The following PCDHGA8 variants were observed in gnomAD, a reference collection of about 807,000 sequenced individuals.
PCDHGA8 encodes protocadherin gamma-A8.
Under a neutral mutation model 59.2 loss-of-function variants are expected in PCDHGA8, and 45 were observed. That is an observed-to-expected ratio of 0.76 (90% confidence interval 0.60 to 0.98). The LOEUF (loss-of-function observed/expected upper bound fraction) is 0.98, where lower values mean the gene tolerates loss of function less well. Ranked by LOEUF, PCDHGA8 falls within the 50% of genes least tolerant of loss-of-function variation. PCDHGA8 has a pLI of 0.00. For synonymous variants in PCDHGA8, 531 were observed against 519.0 expected, an observed-to-expected ratio of 1.02 and a Z score of -0.32; for missense variants, 1,257 against 1,196.2, an observed-to-expected ratio of 1.05 and a Z score of -0.75.
intron 1 of PCDHGA8, chr5:141,409,186 T>C: frequency 6.2e-7 from 1 of 1,614,042 alleles, no homozygotes; most frequent in Non-Finnish European, 8.5e-7. Flanking sequence ...GTGGTCTCTC[T>C]ACCCAGTGTA....
At chr5:141,399,382 A>G in intron 1 of PCDHGA8, 1 of 1,614,000 alleles carries the variant, frequency 6.2e-7, no homozygotes, top group Non-Finnish European at 8.5e-7. Context: ...TGTCACCATC[A>G]CAGCCACAGA....
In PCDHGA8 at chr5:141,432,916, G is replaced by C; in HGVS notation, c.2424+37679G>C. ...TGCTGGCGCTCAGGCTGCGGCGCTG[G>C]CACAAGTCACGCCTGCTGCAGGCTT... On this transcript the variant is annotated intron_variant, in intron 1 of 3. Coordinates refer to ENST00000398604, the MANE Select transcript of PCDHGA8 (RefSeq NM_032088.2). The surrounding 1 kb of genome is among the most constrained non-coding windows in gnomAD (Gnocchi z 6.0). 1 of 1,614,196 alleles carries C rather than the reference G, an allele frequency of 6.2e-7. No homozygotes were observed. The highest frequency in any genetic ancestry group is 8.5e-7 in the Non-Finnish European group (1 of 1,180,040).
Position 141,417,626 on chromosome 5 carries a change from T to C in PCDHGA8, c.2424+22389T>C, listed in dbSNP as rs1156653216. ...CCGTCGGCCAGTGCAGAGCAAGCGC[T>C]GACGCCGGGGATCCCTCAGCCTCTA... On this transcript the variant is annotated intron_variant, in intron 1 of 3. Coordinates refer to ENST00000398604, the MANE Select transcript of PCDHGA8 (RefSeq NM_032088.2). The C allele has an allele frequency of 4.4e-6, 3 of 689,458 alleles. No homozygotes were observed. In the African/African-American group the frequency reaches 5.4e-5, roughly 12 times the overall value. The allele number at this position is 689,458 out of a possible 1,614,324, so 42.7% of individuals were successfully genotyped here. A position where few individuals can be genotyped will look rare whatever the true frequency, so the allele number is the denominator to read the frequency against.
At chr5:141,409,145 T>G (rs2095231039) in intron 1 of PCDHGA8, 1 of 1,613,884 alleles carries the variant, frequency 6.2e-7, no homozygotes, top group Non-Finnish European at 8.5e-7. Flanking sequence ...TGTAGAAAGG[T>G]ACACCATGGA....
intron 1 of PCDHGA8, chr5:141,395,711 G>A (rs2093302364): frequency 1.3e-5 from 2 of 154,440 alleles, no homozygotes; most frequent in African/African-American, 4.8e-5. Context: ...CCTGTAACTA[G>A]GCTCTTGTAG....
At chr5:141,504,594 C>T (rs2099839378) in intron 2 of PCDHGA8, among the ~76,000 whole-genome samples, 2 of 140,288 alleles carry the variant, frequency 1.4e-5, no homozygotes, top group South Asian at 4.4e-4. Context: ...GGATTCACAG[C>T]AAGAGGGAAC....
Position 141,511,380 on chromosome 5 carries a change from C to G in PCDHGA8, c.*207C>G. The G allele has an allele frequency of 7.7e-6, 9 of 1,170,490 alleles. No individual in the cohort carries two copies. The highest frequency in any genetic ancestry group is 1.1e-5 in the Non-Finnish European group (9 of 854,564). 72.5% of individuals were successfully genotyped at this position (1,170,490 alleles called of 1,614,324 possible). A position where few individuals can be genotyped will look rare whatever the true frequency, so the allele number is the denominator to read the frequency against. On this transcript the variant is annotated 3_prime_UTR_variant, in exon 4 of 4. Transcript: ENST00000398604. ...GGGGTTGAATATGCAAAAGCAGTTC[C>G]GCTGGGAACCCCCATCCAATCAACT...
At chr5:141,409,723 G>T (rs781363259) in intron 1 of PCDHGA8, 1 of 1,613,154 alleles carries the variant, frequency 6.2e-7, no homozygotes, top group Non-Finnish European at 8.5e-7. Flanking sequence ...ACGTGTCAGT[G>T]AGCGCGCAGA....
At chr5:141,488,159 C>T (rs888153570) in intron 1 of PCDHGA8, among the ~76,000 whole-genome samples, 1 of 152,126 alleles carries the variant, frequency 6.6e-6, no homozygotes, top group Non-Finnish European at 1.5e-5. Flanking sequence ...GAGAGGCACG[C>T]ATCAGAGTGG....
chr5:141,510,958 G>A lies in PCDHGA8; in HGVS notation c.2584G>A (p.Gly862Arg). 6.2e-7 allele frequency: 1 copy of A among 1,614,130 alleles called. No homozygotes were observed. Among genetic ancestry groups the A allele is most frequent in the Non-Finnish European group, 8.5e-7 (1 of 1,180,012 alleles). The change falls in exon 4 of 4, where the codon GGG becomes AGG. Residue 862 changes from glycine to arginine, a missense_variant. Transcript: ENST00000398604. The stretch of plus-strand genomic sequence containing the variant: ...CTCTGTCTCTGCAGAAGCTGCTGAT[G>A]GGAGCTCCACCCTGGGAGGGGGTGC... ...ILASASEAAD[G>R]SSTLGGGAGT...
intron 3 of PCDHGA8, among the ~76,000 whole-genome samples, chr5:141,508,975 G>T (rs1360718244): frequency 2.6e-5 from 4 of 152,148 alleles, no homozygotes; most frequent in African/African-American, 7.2e-5. Context: ...AAGGGCTGGG[G>T]GTGGGGGCCA....
intron 1 of PCDHGA8, chr5:141,433,226 C>G (rs1433770157): frequency 6.6e-7 from 1 of 1,514,890 alleles, no homozygotes; most frequent in Non-Finnish European, 9.0e-7. Context: ...TTTTTAATTG[C>G]TCTGTCTCCC....
At chr5:141,423,557 G>C in intron 1 of PCDHGA8, 2 of 1,613,654 alleles carry the variant, frequency 1.2e-6, no homozygotes, top group Non-Finnish European at 1.7e-6. Context: ...CCCAACTATG[G>C]GGACACGCTC....
Position 141,476,231 on chromosome 5 carries a change from G to A in PCDHGA8, c.2425-18576G>A. The A allele has an allele frequency of 6.2e-7, 1 of 1,614,084 alleles. No individual in the cohort carries two copies. Among genetic ancestry groups the A allele is most frequent in the Non-Finnish European group, 8.5e-7 (1 of 1,180,034 alleles). On this transcript the variant is annotated intron_variant, in intron 1 of 3. Coordinates refer to ENST00000398604, the MANE Select transcript of PCDHGA8 (RefSeq NM_032088.2). The surrounding 1 kb of genome is among the most constrained non-coding windows in gnomAD (Gnocchi z 7.6). ...CACGGTCATTCACTATGAGATCCCG[G>A]AGGAAAGAGAGAAGGGTTTCGCTGT...
intron 1 of PCDHGA8, chr5:141,403,339 C>T (rs2094393588): frequency 1.2e-6 from 2 of 1,613,892 alleles, no homozygotes; most frequent in Admixed American, 1.7e-5. Context: ...TTAACGACAG[C>T]GCCCCAAAGT....
chr5:141,422,996 C>G lies in PCDHGA8; in HGVS notation c.2424+27759C>G. 1.2e-6 allele frequency: 2 copies of G among 1,614,224 alleles called. No homozygotes were observed. The highest frequency in any genetic ancestry group is 1.7e-6 in the Non-Finnish European group (2 of 1,180,046). On this transcript the variant is annotated intron_variant, in intron 1 of 3. Coordinates refer to ENST00000398604, the MANE Select transcript of PCDHGA8 (RefSeq NM_032088.2). ...TCTGCGGAACCTGGCTACCTGGTGA[C>G]CAAGGTGGTTGCGGTGGACAAAGAT...
At position 141,394,620 on chromosome 5, in the gene PCDHGA8, T is replaced by A; in HGVS notation, c.1807T>A (p.Trp603Arg). ...AVDRDSGQNA[W>R]LSYRLLKASE... ...GGACAGAGACTCGGGCCAGAACGCC[T>A]GGCTGTCCTACCGCCTGCTCAAGGC... The change falls in exon 1 of 4, where the codon TGG becomes AGG. Residue 603 changes from tryptophan to arginine, a missense_variant. By Grantham distance (101) the Trp-to-Arg change is moderately radical (BLOSUM62 -3). Coordinates refer to ENST00000398604, the MANE Select transcript of PCDHGA8 (RefSeq NM_032088.2). 1 of 1,613,124 alleles carries A rather than the reference T, an allele frequency of 6.2e-7. No individual in the cohort carries two copies. The highest frequency in any genetic ancestry group is 8.5e-7 in the Non-Finnish European group (1 of 1,179,962).
Position 141,491,902 on chromosome 5 carries a change from G to C in PCDHGA8, c.2425-2905G>C. On this transcript the variant is annotated intron_variant, in intron 1 of 3. Transcript: ENST00000398604. This position sits in a 1 kb window ranked among gnomAD's most constrained non-coding sequence, Gnocchi z 6.9. ...AGGGATGGGGCTCCGAGCACCGGGG[G>C]TGGTGGCGACTGTGGGCGAGGGGAG... 7.0e-7 allele frequency: 1 copy of C among 1,429,002 alleles called. No individual in the cohort carries two copies. Among genetic ancestry groups the C allele is most frequent in the Non-Finnish European group, 9.3e-7 (1 of 1,079,426 alleles). The allele number at this position is 1,429,002 out of a possible 1,614,324, so 88.5% of individuals were successfully genotyped here. A position where few individuals can be genotyped will look rare whatever the true frequency, so the allele number is the denominator to read the frequency against.
At chr5:141,423,177 C>T (rs748689237) in intron 1 of PCDHGA8, 3 of 1,613,430 alleles carry the variant, frequency 1.9e-6, no homozygotes, top group Non-Finnish European at 2.5e-6. Context: ...TCCAGGACCA[C>T]GGCCAGCCCC....
Sources: gnomAD v4.1 joint callset for allele counts (sites outside exome capture counted in the v4.1 genomes callset) on GRCh38, gnomAD v4.1.1 for gene constraint, Gnocchi (gnomAD v3.1) non-coding constraint, MANE v1.5 for transcripts, NCBI Gene and HGNC (gene_info 2026-07-23, HGNC 2026-07-21) for gene names.